The following HOMER2 variants were observed in gnomAD, a reference collection of about 807,000 sequenced individuals.
HOMER2 encodes the protein homer protein homolog 2.
Under a neutral mutation model 47.0 loss-of-function variants are expected in HOMER2, and 27 were observed. The ratio of observed to expected loss-of-function variants is 0.57; its 90% CI spans 0.42 to 0.79. The LOEUF (loss-of-function observed/expected upper bound fraction) is 0.79. Ranked by LOEUF, HOMER2 falls within the 30% of genes least tolerant of loss-of-function variation. The pLI is 0.00. For synonymous variants in HOMER2, 161 were observed against 163.8 expected (o/e 0.98, Z 0.13); for missense variants, 443 against 435.0 (o/e 1.02, Z -0.16).
At chr15:82,970,562 A>G (rs928440986) in intron 1 of HOMER2, among the ~76,000 whole-genome samples, 2 of 152,194 alleles carry the variant, frequency 1.3e-5, no homozygotes, top group African/African-American at 2.4e-5. Flanking sequence ...TGAATAATCT[A>G]TTTCAAGGAT....
At chr15:82,957,869 ACACTGTCACCCAGGCTGGAGTG>A, downstream of HOMER2, among the ~76,000 whole-genome samples, 1 of 152,246 alleles carries the variant, frequency 6.6e-6, no homozygotes, top group Non-Finnish European at 1.5e-5. Flanking sequence ...ACGGAGTCTC[ACACTGTCACCCAGGCTGGAGTG>A]CAGTGGCGCG....
At chr15:82,985,932 G>A (rs1289580887), upstream of HOMER2, 4 of 371,798 alleles carry the variant, frequency 1.1e-5, no homozygotes, top group Non-Finnish European at 1.5e-5. Context: ...CCCTTCTCCG[G>A]TGATTCCCAG....
At chr15:82,925,003 CT>C (rs2053821522) in intron 1 of HOMER2, among the ~76,000 whole-genome samples, 1 of 152,204 alleles carries the variant, frequency 6.6e-6, no homozygotes, top group Non-Finnish European at 1.5e-5. Context: ...TCCTCTCCCC[CT>C]ACCACTATGT....
At chr15:82,857,990 T>G (rs1461456755) in intron 5 of HOMER2, among the ~76,000 whole-genome samples, 1 of 152,212 alleles carries the variant, frequency 6.6e-6, no homozygotes, top group Non-Finnish European at 1.5e-5. Context: ...TATAGATCAA[T>G]TTAGGAGAAA....
intron 3 of HOMER2, among the ~76,000 whole-genome samples, chr15:82,864,621 A>G (rs1184098417): frequency 6.6e-6 from 1 of 152,212 alleles, no homozygotes; most frequent in Non-Finnish European, 1.5e-5. Flanking sequence ...CTAGATGAAT[A>G]CTAAGTATTT....
At chr15:82,952,165 C>T in intron 1 of HOMER2, 1 of 480,176 alleles carries the variant, frequency 2.1e-6, no homozygotes, top group Non-Finnish European at 2.7e-6. Context: ...GAACGACAAA[C>T]TGCTTAGACT....
downstream of HOMER2, chr15:82,846,666 C>G (rs1370393372): frequency 1.3e-5 from 2 of 152,204 alleles, no homozygotes; most frequent in African/African-American, 4.8e-5. Context: ...GTGACAGTCT[C>G]TGCCCTGTTC....
chr15:82,852,576 C>T (rs970607108), intron 6 of HOMER2: 3 of 253,740 alleles, frequency 1.2e-5, no homozygotes, highest in Non-Finnish European at 2.2e-5. Flanking sequence ...TTCAGATTTG[C>T]TTTAAGGATC....
At position 82,849,589 on chromosome 15, in the gene HOMER2, G is replaced by C. The variant is rs1398922035; in HGVS notation, c.*126C>G. On this transcript the variant is annotated 3_prime_UTR_variant, in exon 9 of 9. Coordinates refer to ENST00000450735, the MANE Select transcript of HOMER2 (RefSeq NM_004839.4). ...AAAGGAGTGAGTGGACGGCACAACTGGTTTGGAAACACGACAAACTGCGCC... is the reference window on the plus strand; with the variant it reads ...AAAGGAGTGAGTGGACGGCACAACTCGTTTGGAAACACGACAAACTGCGCC... 6.6e-6 allele frequency: 5 copies of C among 760,266 alleles called. No homozygotes were observed. Among genetic ancestry groups the C allele is most frequent in the African/African-American group, 1.8e-5 (1 of 56,932 alleles). 47.1% of individuals were successfully genotyped at this position (760,266 alleles called of 1,614,324 possible). A position where few individuals can be genotyped will look rare whatever the true frequency, so the allele number is the denominator to read the frequency against.
chr15:82,982,139 T>G (rs892904775), intron 1 of HOMER2, among the ~76,000 whole-genome samples: 1 of 152,186 alleles, frequency 6.6e-6, no homozygotes, highest in East Asian at 1.9e-4. Flanking sequence ...CCAAGGATAT[T>G]ACTATCCAGA....
Position 82,859,301 on chromosome 15 carries a change from TTTG to T in HOMER2, c.388-169_388-167del, listed in dbSNP as rs2051695605. The T allele has an allele frequency of 1.1e-5, 9 of 809,740 alleles. No homozygotes were observed. In the East Asian group the frequency reaches 1.9e-4, roughly 17 times the overall value. The allele number at this position is 809,740 out of a possible 1,614,324, so 50.2% of individuals were successfully genotyped here. ...AGAATGCAGCAAAGACTAACAAGTT[TTTG>T]TTTTTTTTTTAAACAAACAAACAAA... On this transcript the variant is annotated intron_variant, in intron 4 of 8. Coordinates refer to ENST00000450735, the MANE Select transcript of HOMER2 (RefSeq NM_004839.4).
At chr15:82,978,383 T>A (rs888724748) in intron 1 of HOMER2, among the ~76,000 whole-genome samples, 2 of 152,108 alleles carry the variant, frequency 1.3e-5, no homozygotes, top group African/African-American at 4.8e-5. Flanking sequence ...ACATAAAGAA[T>A]AATCCGTTCT....
rs112154187 is a variant in HOMER2 at position 82,860,612 on chromosome 15, C to T, written c.388-1477G>A. Reference sequence around the variant, plus strand: ...AGAAGAAAAGCATACAATCGATAAACATAAAAATATTTAATCTCACTAGTA... The same window carrying T: ...AGAAGAAAAGCATACAATCGATAAATATAAAAATATTTAATCTCACTAGTA... On this transcript the variant is annotated intron_variant, in intron 4 of 8. Coordinates refer to ENST00000450735, the MANE Select transcript of HOMER2 (RefSeq NM_004839.4). Among the ~76,000 whole-genome samples the T allele has an allele frequency of 4.9e-4, 75 of 152,126 alleles. 1 individual carries two copies. The highest frequency in any genetic ancestry group is 1.7e-3 in the African/African-American group (72 of 41,496).
At chr15:82,928,611 C>T (rs531420078) in intron 1 of HOMER2, among the ~76,000 whole-genome samples, 2 of 152,236 alleles carry the variant, frequency 1.3e-5, no homozygotes, top group South Asian at 4.1e-4. Flanking sequence ...CTTCATCAAG[C>T]TGCATTCGTT....
intron 4 of HOMER2, among the ~76,000 whole-genome samples, chr15:82,863,436 A>T (rs1310305334): frequency 6.6e-6 from 1 of 152,184 alleles, no homozygotes; most frequent in African/African-American, 2.4e-5. Flanking sequence ...CAGTATCTCC[A>T]AGCACATCTC....
upstream of HOMER2, among the ~76,000 whole-genome samples, chr15:82,953,957 T>G (rs2054558007): frequency 6.6e-6 from 1 of 151,868 alleles, no homozygotes; most frequent in South Asian, 2.1e-4. Context: ...TCCCAGCTAC[T>G]CCCAGCTACT....
chr15:82,911,231 T>C (rs1204590934), intron 1 of HOMER2, among the ~76,000 whole-genome samples: 2 of 152,230 alleles, frequency 1.3e-5, no homozygotes, highest in Non-Finnish European at 2.9e-5. Context: ...TGTGCTTTTA[T>C]AACTTAAGAA....
At chr15:82,914,119 G>A (rs540616335) in intron 1 of HOMER2, among the ~76,000 whole-genome samples, 6 of 151,486 alleles carry the variant, frequency 4.0e-5, no homozygotes, top group African/African-American at 7.3e-5. Context: ...GGCAGATCAC[G>A]AGGTCAGGAG....
chr15:82,853,372 C>T (rs2051461461), intron 6 of HOMER2, among the ~76,000 whole-genome samples: 2 of 152,338 alleles, frequency 1.3e-5, no homozygotes, highest in Non-Finnish European at 1.5e-5. Context: ...ATCTGCCAGG[C>T]CTCGGGTGGG....
Sources: allele counts gnomAD v4.1 joint callset (sites outside exome capture counted in the v4.1 genomes callset), GRCh38; gene constraint gnomAD v4.1.1; transcripts MANE v1.5; gene names NCBI Gene and HGNC (gene_info 2026-07-23, HGNC 2026-07-21).